The following INSL6 variants were observed in gnomAD, a reference collection of about 807,000 sequenced individuals.
INSL6 encodes the protein insulin-like peptide INSL6.
Under a neutral mutation model 9.4 loss-of-function variants are expected in INSL6, and 16 were observed. The observed-to-expected ratio is 1.70, with a 90% CI of 1.15 to 2.59. The LOEUF (loss-of-function observed/expected upper bound fraction) is 2.59, where lower values mean the gene tolerates loss of function less well. INSL6 is among the 30% of genes most tolerant of loss of function. The pLI is 0.00. For missense variants in INSL6, 391 were observed against 257.3 expected (o/e 1.52, Z -3.56); for synonymous variants, 154 against 96.9 (o/e 1.59, Z -3.46).
intron 2 of INSL6, among the ~76,000 whole-genome samples, chr9:5,144,194 ATGT>A (rs751298785): frequency 1.8e-4 from 27 of 152,266 alleles, no homozygotes; most frequent in East Asian, 3.9e-4. Flanking sequence ...AGATTCTGAT[ATGT>A]TGTTATCTTT....
At chr9:5,022,356 A>C in the INSL6 span, 10 of 578,916 alleles carry the variant, frequency 1.7e-5, no homozygotes, top group Admixed American at 1.0e-4. Context: ...ATGCATAGAA[A>C]ATGAAAGTGT....
chr9:5,041,856 GAC>G, the INSL6 span: 2 of 466,058 alleles, frequency 4.3e-6, no homozygotes, highest in Non-Finnish European at 8.5e-6. Flanking sequence ...GAACGCGGAC[GAC>G]CCCATGGCCG....
chr9:5,001,464 A>T, the INSL6 span, among the ~76,000 whole-genome samples: 1 of 152,074 alleles, frequency 6.6e-6, no homozygotes, highest in Non-Finnish European at 1.5e-5. Flanking sequence ...TTGCTCCATT[A>T]TTCTGTTAAT....
the INSL6 span, among the ~76,000 whole-genome samples, chr9:5,086,349 T>G: frequency 2.0e-5 from 3 of 152,040 alleles, no homozygotes; most frequent in Middle Eastern, 3.4e-3. Flanking sequence ...CTCCTAGCGG[T>G]TTTGAAATCC....
chr9:5,156,863 A>C (rs1440958970), intron 2 of INSL6, among the ~76,000 whole-genome samples: 1 of 152,184 alleles, frequency 6.6e-6, no homozygotes, highest in Non-Finnish European at 1.5e-5. Flanking sequence ...CAACAATGAA[A>C]ACATTAAATT....
chr9:4,997,460 C>G, the INSL6 span, among the ~76,000 whole-genome samples: 1 of 152,156 alleles, frequency 6.6e-6, no homozygotes, highest in African/African-American at 2.4e-5. Context: ...GGAAGGTGCA[C>G]ACACTTTTAA....
chr9:5,089,396 G>A, the INSL6 span, among the ~76,000 whole-genome samples: 1 of 151,996 alleles, frequency 6.6e-6, no homozygotes, highest in African/African-American at 2.4e-5. Flanking sequence ...AAATTAGCTG[G>A]GCGTATTGGC....
chr9:5,022,008 G>A, the INSL6 span: 9 of 1,613,856 alleles, frequency 5.6e-6, no homozygotes, highest in South Asian at 4.4e-5. Flanking sequence ...CCTGCCTTAC[G>A]ATGACAGAAA....
intron 3 of INSL6, among the ~76,000 whole-genome samples, chr9:5,124,764 A>T (rs1823867672): frequency 6.6e-6 from 1 of 151,802 alleles, no homozygotes; most frequent in Non-Finnish European, 1.5e-5. Context: ...ACAAATTTAT[A>T]GCCAACTGAT....
the INSL6 span, chr9:5,081,706 A>G: frequency 2.6e-6 from 4 of 1,547,928 alleles, no homozygotes; most frequent in South Asian, 1.1e-5. Flanking sequence ...TAAGGTGATA[A>G]TATTCTTTAT....
At chr9:5,028,970 A>G in the INSL6 span, among the ~76,000 whole-genome samples, 1 of 152,218 alleles carries the variant, frequency 6.6e-6, no homozygotes, top group Non-Finnish European at 1.5e-5. Context: ...CTGCAGTCGC[A>G]TTTTTAATTT....
At position 5,132,553 on chromosome 9, in the gene INSL6, TA is replaced by T. The variant is rs145340474; in HGVS notation, c.*10+871del. ...TTAGTAAAACATTTTTTCTTTTTCT[TA>T]AAAAAAAAAAAGACTATCCATATTG... On this transcript the variant is annotated intron_variant, in intron 3 of 3. Transcript: ENST00000649639. 8.3e-3 allele frequency among the ~76,000 whole-genome samples: 1,193 copies of T among 144,586 alleles called. 11 individuals carry two copies. Among genetic ancestry groups the T allele is most frequent in the African/African-American group, 0.022 (870 of 40,212 alleles). 94.9% of individuals were successfully genotyped at this position (144,586 alleles called of 152,430 possible).
the INSL6 span, chr9:5,085,757 C>T: frequency 1.3e-6 from 1 of 754,616 alleles, no homozygotes. Flanking sequence ...GGCTAGCTTG[C>T]ACATGTCGGG....
intron 1 of INSL6, among the ~76,000 whole-genome samples, chr9:5,181,550 T>G (rs999632322): frequency 2.6e-5 from 4 of 150,956 alleles, no homozygotes; most frequent in African/African-American, 9.7e-5. Flanking sequence ...AAAGTAAAAC[T>G]GAAAAGTTAA....
At chr9:5,113,025 G>C in the INSL6 span, among the ~76,000 whole-genome samples, 2 of 151,988 alleles carry the variant, frequency 1.3e-5, no homozygotes, top group South Asian at 4.1e-4. Context: ...GGTGAGTGAT[G>C]GGGGTGAGGA....
At chr9:5,031,171 T>A in the INSL6 span, among the ~76,000 whole-genome samples, 3 of 152,152 alleles carry the variant, frequency 2.0e-5, no homozygotes, top group Non-Finnish European at 4.4e-5. Context: ...TCTAAGCCAA[T>A]CAAAATCCTA....
the INSL6 span, among the ~76,000 whole-genome samples, chr9:5,061,538 G>C: frequency 1.3e-5 from 2 of 152,166 alleles, no homozygotes; most frequent in Non-Finnish European, 2.9e-5. Flanking sequence ...CTTTTCTTCT[G>C]CAGCTTCCTC....
chr9:5,028,439 G>A, the INSL6 span, among the ~76,000 whole-genome samples: 1 of 152,172 alleles, frequency 6.6e-6, no homozygotes, highest in Non-Finnish European at 1.5e-5. Flanking sequence ...GTTCTTAATG[G>A]CCATAGATTT....
At chr9:5,066,646 T>C in the INSL6 span, 1 of 1,169,178 alleles carries the variant, frequency 8.6e-7, no homozygotes, top group Non-Finnish European at 1.3e-6. Context: ...GTGCTTGATA[T>C]ATTATTCAAA....
Sources: gnomAD v4.1 joint callset for allele counts (sites outside exome capture counted in the v4.1 genomes callset) on GRCh38, gnomAD v4.1.1 for gene constraint, MANE v1.5 for transcripts, NCBI Gene and HGNC (gene_info 2026-07-23, HGNC 2026-07-21) for gene names.